Variants in MYO5A observed in about 807,000 individuals in gnomAD.
The protein encoded by MYO5A is unconventional myosin-Va.
A neutral mutation model predicts 249.7 loss-of-function variants in MYO5A; 98 were observed. The ratio of observed to expected loss-of-function variants is 0.39; its 90% CI spans 0.33 to 0.46. The LOEUF (loss-of-function observed/expected upper bound fraction) is 0.46. Among genes scored for constraint, MYO5A ranks in the 20% least tolerant of loss-of-function variants. The pLI is 0.98. For missense variants in MYO5A, 1,696 were observed against 2,308.8 expected (o/e 0.73, Z 5.44); for synonymous variants, 778 against 810.6 (o/e 0.96, Z 0.68).
intron 12 of MYO5A, 63 bp from the exon 13 acceptor site, chr15:52,389,426 C>A: frequency 6.7e-7 from 1 of 1,498,486 alleles, no homozygotes; most frequent in Non-Finnish European, 9.1e-7. Context: ...TCTAAAGCAT[C>A]AGCTGTCAAA....
At chr15:52,436,714 G>A (rs2075671341) in intron 1 of MYO5A, among the ~76,000 whole-genome samples, 1 of 152,218 alleles carries the variant, frequency 6.6e-6, no homozygotes. Flanking sequence ...CTGGTGCTTA[G>A]TAAGAACTTA....
At chr15:52,412,670 G>A (rs904086611) in intron 5 of MYO5A, among the ~76,000 whole-genome samples, 3 of 152,090 alleles carry the variant, frequency 2.0e-5, no homozygotes, top group Non-Finnish European at 4.4e-5. Flanking sequence ...TGCCATATAA[G>A]CACTGTATTC....
chr15:52,388,974 C>A (rs1423254347), intron 13 of MYO5A, among the ~76,000 whole-genome samples: 1 of 151,558 alleles, frequency 6.6e-6, no homozygotes, highest in Non-Finnish European at 1.5e-5. Context: ...GATCAGAGAT[C>A]AGGTTTAGCT....
chr15:52,389,446 AT>A lies in MYO5A; in HGVS notation c.1543-84del, dbSNP rs71425744. On this transcript the variant is annotated intron_variant, in intron 12 of 41. Transcript: ENST00000399233. ...AGCATCAGCTGTCAAAAGATCTTTTATTTTTTTTTTTTGGCTTTAACTAATA... is the reference window on the plus strand; with the variant it reads ...AGCATCAGCTGTCAAAAGATCTTTTATTTTTTTTTTTGGCTTTAACTAATA... The A allele has an allele frequency of 0.49, 494,016 of 1,008,692 alleles. 79,042 individuals carry two copies. Among genetic ancestry groups the A allele is most frequent in the Non-Finnish European group, 0.52 (376,765 of 720,826 alleles). The allele number at this position is 1,008,692 out of a possible 1,614,324, so 62.5% of individuals were successfully genotyped here. A position where few individuals can be genotyped will look rare whatever the true frequency, so the allele number is the denominator to read the frequency against.
chr15:52,319,457 G>A (rs2038197220), intron 38 of MYO5A, 115 bp from the exon 39 acceptor site: 11 of 1,176,702 alleles, frequency 9.3e-6, no homozygotes, highest in Middle Eastern at 2.8e-4. Context: ...GCTGGGCACG[G>A]TGGCTCACAT....
At chr15:52,323,489 TAAC>T (rs746513386) in intron 36 of MYO5A, 45 bp from the exon 37 acceptor site, 32 of 1,451,532 alleles carry the variant, frequency 2.2e-5, no homozygotes, top group Admixed American at 1.7e-4. Context: ...CTTAGGGAAA[TAAC>T]AACCTAAAAA....
rs142829332 is a variant in MYO5A, at chr15:52,504,844, G to A, written c.27+23936C>T. 4.4e-4 allele frequency among the ~76,000 whole-genome samples: 66 copies of A among 150,790 alleles called. 1 individual carries two copies. The East Asian group carries it at 7.0e-3, about 16-fold the overall frequency. On this transcript the variant is annotated intron_variant, in intron 1 of 41. Coordinates refer to ENST00000399233, the MANE Select transcript of MYO5A (RefSeq NM_001382347.1). The stretch of plus-strand genomic sequence containing the variant: ...GCAGAGGTTGCAGGGAGCTGAGATC[G>A]CACCACTGCACTCCAGCCCGGGCGA...
chr15:52,508,850 A>T (rs1455659112), intron 1 of MYO5A, among the ~76,000 whole-genome samples: 1 of 152,148 alleles, frequency 6.6e-6, no homozygotes, highest in Non-Finnish European at 1.5e-5. Flanking sequence ...CATATTTTCA[A>T]CAATACAATG....
At position 52,378,251 on chromosome 15, in the gene MYO5A, A is replaced by C. The variant is rs1256596608; in HGVS notation, c.2208+1374T>G. 2.0e-5 allele frequency among the ~76,000 whole-genome samples: 3 copies of C among 152,058 alleles called. No individual in the cohort carries two copies. In the East Asian group the frequency reaches 5.8e-4, roughly 30 times the overall value. ...GAAGGGGATTGGGCAGGCTGGGCGC[A>C]GTGGCTCACACCTGTAATCCCAGCA... On this transcript the variant is annotated intron_variant, in intron 18 of 41. Transcript: ENST00000399233.
Position 52,379,633 on chromosome 15 carries a change from G to C in MYO5A, c.2200C>G (p.Leu734Val). 6.2e-7 allele frequency: 1 copy of C among 1,613,276 alleles called. No individual in the cohort carries two copies. The highest frequency in any genetic ancestry group is 8.5e-7 in the Non-Finnish European group (1 of 1,179,204). Reference sequence around the variant, plus strand: ...AGCGAAATCATTCTCACCAGTATCAGTTTCTCTAACACATTCTTGCATGTT... The same window carrying C: ...AGCGAAATCATTCTCACCAGTATCACTTTCTCTAACACATTCTTGCATGTT... ...KQTCKNVLEKLILDKDKYQFG... is the reference protein window; with the variant it reads ...KQTCKNVLEKVILDKDKYQFG... Residue 734 changes from leucine (L) to valine (V), a missense_variant, in exon 18 of 42, where the codon CTG becomes GTG. Coordinates refer to ENST00000399233, the MANE Select transcript of MYO5A (RefSeq NM_001382347.1).
At chr15:52,437,465 C>T (rs953629536) in intron 1 of MYO5A, among the ~76,000 whole-genome samples, 2 of 151,732 alleles carry the variant, frequency 1.3e-5, no homozygotes, top group South Asian at 2.1e-4. Context: ...CATGGTGGTT[C>T]GTGCCTGTAA....
intron 40 of MYO5A, among the ~76,000 whole-genome samples, chr15:52,316,048 C>T (rs2037992720): frequency 6.6e-6 from 1 of 151,354 alleles, no homozygotes; most frequent in African/African-American, 2.4e-5. Context: ...TCCTGGTTAA[C>T]ATGGTGAAAC....
upstream of MYO5A, chr15:52,528,912 G>A (rs1022963021): frequency 2.0e-6 from 2 of 1,020,556 alleles, no homozygotes; most frequent in South Asian, 4.7e-5. Context: ...GCAGGGAGCA[G>A]GGCAGGGCAG....
chr15:52,510,863 T>C (rs568151382), intron 1 of MYO5A, among the ~76,000 whole-genome samples: 1 of 152,350 alleles, frequency 6.6e-6, no homozygotes, highest in East Asian at 1.9e-4. Context: ...TCTTACAGAT[T>C]TGTGAAACAG....
chr15:52,353,022 G>A (rs2040033096), intron 27 of MYO5A, among the ~76,000 whole-genome samples: 1 of 152,092 alleles, frequency 6.6e-6, no homozygotes. Context: ...AATTTACTGT[G>A]TATCAGAATC....
chr15:52,433,904 T>G (rs2075599203), intron 1 of MYO5A, among the ~76,000 whole-genome samples: 1 of 152,204 alleles, frequency 6.6e-6, no homozygotes, highest in African/African-American at 2.4e-5. Context: ...AGATCTATTT[T>G]TGAAGCTATG....
intron 1 of MYO5A, among the ~76,000 whole-genome samples, chr15:52,443,384 A>C (rs1411187768): frequency 3.3e-5 from 5 of 152,228 alleles, no homozygotes; most frequent in Admixed American, 1.3e-4. Context: ...GGTTGACTTA[A>C]AATTTTTATT....
chr15:52,516,711 AG>A (rs2141641225), intron 1 of MYO5A, among the ~76,000 whole-genome samples: 1 of 152,342 alleles, frequency 6.6e-6, no homozygotes, highest in South Asian at 2.1e-4. Flanking sequence ...TTTACAAAGC[AG>A]GTTGTTGATG....
intron 1 of MYO5A, among the ~76,000 whole-genome samples, chr15:52,472,148 G>A (rs574041174): frequency 1.9e-4 from 28 of 151,226 alleles, no homozygotes; most frequent in African/African-American, 6.1e-4. Flanking sequence ...GCAGGATCTC[G>A]GCTCACTGCA....
Sources: gnomAD v4.1 joint callset for allele counts (sites outside exome capture counted in the v4.1 genomes callset) on GRCh38, gnomAD v4.1.1 for gene constraint, MANE v1.5 for transcripts, NCBI Gene and HGNC (gene_info 2026-07-23, HGNC 2026-07-21) for gene names.